USP15: variants seen among roughly 807,000 people sequenced by gnomAD.
USP15 encodes the protein ubiquitin specific peptidase 15.
A neutral mutation model predicts 127.1 loss-of-function variants in USP15; 18 were observed. The observed-to-expected ratio is 0.14, with a 90% CI of 0.10 to 0.21. The LOEUF is 0.21. USP15 is among the 10% of genes least tolerant of loss of function. The pLI is 1.00. For synonymous variants in USP15, 364 were observed against 393.7 expected (o/e 0.92, Z 0.89); for missense variants, 805 against 1,159.9 (o/e 0.69, Z 4.44).
intron 2 of USP15, among the ~76,000 whole-genome samples, chr12:62,299,838 T>A (rs2064253106): frequency 6.6e-6 from 1 of 152,220 alleles, no homozygotes; most frequent in Admixed American, 6.5e-5. Flanking sequence ...TTCTTGTCTG[T>A]CCTTTTTATT....
At chr12:62,323,367 T>G (rs974194761) in intron 5 of USP15, among the ~76,000 whole-genome samples, 2 of 152,196 alleles carry the variant, frequency 1.3e-5, no homozygotes, top group Non-Finnish European at 2.9e-5. Context: ...ATCAATAATA[T>G]GATTCTGAGT....
rs186813015 is a variant in USP15, at chr12:62,326,193, A to G, written c.683+260A>G. 9.3e-4 allele frequency among the ~76,000 whole-genome samples: 142 copies of G among 152,322 alleles called. 2 individuals are homozygous for G. The highest frequency in any genetic ancestry group is 3.2e-3 in the African/African-American group (135 of 41,580). On this transcript the variant is annotated intron_variant, in intron 6 of 21. Transcript: ENST00000280377. ...ATAAATGAGAAAGTTGCGTTGTCTG[A>G]TACAGTCAAATCATTAAACATTTGT... is the stretch of plus-strand genomic sequence containing the variant.
chr12:62,262,662 C>CGT (rs146207736), intron 1 of USP15, among the ~76,000 whole-genome samples: 5 of 151,626 alleles, frequency 3.3e-5, no homozygotes, highest in Admixed American at 6.6e-5. Context: ...TATATATGTG[C>CGT]GTGTGTGTGT....
At chr12:62,285,518 C>G (rs1288832289) in intron 1 of USP15, among the ~76,000 whole-genome samples, 2 of 151,810 alleles carry the variant, frequency 1.3e-5, no homozygotes, top group Non-Finnish European at 2.9e-5. Context: ...TTGTCTTTAT[C>G]CAGTCATCCA....
At chr12:62,344,422 A>C (rs992764792) in intron 6 of USP15, among the ~76,000 whole-genome samples, 2 of 152,200 alleles carry the variant, frequency 1.3e-5, no homozygotes, top group Non-Finnish European at 2.9e-5. Flanking sequence ...GGGCTCCCAC[A>C]GCCTTGAGCA....
chr12:62,373,179 A>G (rs932831017), intron 8 of USP15, among the ~76,000 whole-genome samples: 2 of 152,054 alleles, frequency 1.3e-5, no homozygotes, highest in African/African-American at 2.4e-5. Flanking sequence ...TGGTCTTCAC[A>G]TAATCATGGC....
At chr12:62,336,724 TCTGA>T (rs1220551094) in intron 6 of USP15, 12 of 164,184 alleles carry the variant, frequency 7.3e-5, no homozygotes, top group Non-Finnish European at 5.1e-5. Context: ...TTCTTTACTA[TCTGA>T]CTGAATAGAG....
rs2066873377 is a variant in USP15 at position 62,377,733 on chromosome 12, A to G, written c.916-3757A>G. Among the ~76,000 whole-genome samples the G allele has an allele frequency of 2.6e-5, 4 of 152,208 alleles. No individual in the cohort carries two copies. In the South Asian group the frequency reaches 8.3e-4, roughly 32 times the overall value. On this transcript the variant is annotated intron_variant, in intron 8 of 21. Coordinates refer to ENST00000280377, the MANE Select transcript of USP15 (RefSeq NM_001252078.2). ...CAAAGTGAGATTCCATCTCCAAAAA[A>G]AAAAAGAAACCGGCTTCTTTTTTCT...
intron 11 of USP15, among the ~76,000 whole-genome samples, chr12:62,386,503 C>A (rs1287507304): frequency 2.6e-5 from 4 of 152,000 alleles, no homozygotes; most frequent in Admixed American, 6.6e-5. Flanking sequence ...GTAACCTACC[C>A]AAACTGGTTA....
chr12:62,305,178 C>A (rs756390388), intron 3 of USP15, among the ~76,000 whole-genome samples: 4 of 151,922 alleles, frequency 2.6e-5, no homozygotes, highest in Non-Finnish European at 5.9e-5. Context: ...AGAATTTTCC[C>A]AAACTGAGAA....
At chr12:62,338,296 C>CAT (rs142052743) in intron 6 of USP15, among the ~76,000 whole-genome samples, 11,868 of 152,182 alleles carry the variant, frequency 0.078, 585 homozygotes, top group Middle Eastern at 0.16. Flanking sequence ...ATTGTCTGTT[C>CAT]ATATCCTTTG....
intron 2 of USP15, among the ~76,000 whole-genome samples, chr12:62,302,131 T>C (rs998365965): frequency 2.0e-5 from 3 of 152,156 alleles, no homozygotes; most frequent in African/African-American, 4.8e-5. Context: ...TTGTGGGCCT[T>C]CTGGAATAAT....
chr12:62,401,620 G>GA (rs1048834239), intron 21 of USP15, among the ~76,000 whole-genome samples: 7 of 151,226 alleles, frequency 4.6e-5, no homozygotes, highest in East Asian at 1.9e-4. Context: ...TTAAACAAGA[G>GA]AAAAAAAATC....
chr12:62,311,938 A>G (rs1373005623), intron 3 of USP15, among the ~76,000 whole-genome samples: 1 of 151,722 alleles, frequency 6.6e-6, no homozygotes, highest in Non-Finnish European at 1.5e-5. Flanking sequence ...AGGTGTGATG[A>G]TGGTATTGTG....
chr12:62,338,313 T>G (rs1382433467), intron 6 of USP15, among the ~76,000 whole-genome samples: 1 of 152,178 alleles, frequency 6.6e-6, no homozygotes, highest in Non-Finnish European at 1.5e-5. Context: ...TTTGCCCACT[T>G]TTTGATGGGA....
At chr12:62,371,257 A>G (rs1005420864) in intron 8 of USP15, among the ~76,000 whole-genome samples, 4 of 152,192 alleles carry the variant, frequency 2.6e-5, no homozygotes, top group African/African-American at 9.7e-5. Context: ...CTCTTTGTAT[A>G]TACTGTTACC....
At chr12:62,387,839 T>C (rs1264316240) in intron 11 of USP15, among the ~76,000 whole-genome samples, 5 of 152,154 alleles carry the variant, frequency 3.3e-5, no homozygotes, top group Admixed American at 6.5e-5. Context: ...TGAGATAAAA[T>C]GGAAGAAAGA....
chr12:62,365,777 C>G (rs1462022551), intron 8 of USP15, among the ~76,000 whole-genome samples: 2 of 152,166 alleles, frequency 1.3e-5, no homozygotes, highest in Non-Finnish European at 2.9e-5. Context: ...ATGTGGCTAG[C>G]CAGTTTTCCC....
At chr12:62,376,313 C>A (rs2066826608) in intron 8 of USP15, among the ~76,000 whole-genome samples, 1 of 151,796 alleles carries the variant, frequency 6.6e-6, no homozygotes, top group Non-Finnish European at 1.5e-5. Context: ...AGTACAAAGT[C>A]TTTTTCTTTA....
Sources: gnomAD v4.1 joint callset for allele counts (sites outside exome capture counted in the v4.1 genomes callset) on GRCh38, gnomAD v4.1.1 for gene constraint, MANE v1.5 for transcripts, NCBI Gene and HGNC (gene_info 2026-07-23, HGNC 2026-07-21) for gene names.